Variants in PIEZO2 observed in about 807,000 individuals in gnomAD.
PIEZO2 encodes piezo-type mechanosensitive ion channel component 2.
A neutral mutation model predicts 337.3 loss-of-function variants in PIEZO2; 172 were observed. The observed-to-expected ratio is 0.51, with a 90% CI of 0.45 to 0.58. PIEZO2 has a LOEUF of 0.58. Among genes scored for constraint, PIEZO2 ranks in the 20% least tolerant of loss-of-function variants. The pLI, the probability that PIEZO2 is intolerant of heterozygous loss-of-function variation, is 0.00. For synonymous variants in PIEZO2, 1,251 were observed against 1,228.5 expected, an observed-to-expected ratio of 1.02 and a Z score of -0.38; for missense variants, 3,028 against 3,391.3, an observed-to-expected ratio of 0.89 and a Z score of 2.66.
chr18:11,082,051 C>T (rs1386841808), intron 1 of PIEZO2, among the ~76,000 whole-genome samples: 3 of 152,086 alleles, frequency 2.0e-5, no homozygotes, highest in Non-Finnish European at 2.9e-5. Context: ...TGAGCCACTG[C>T]GCCCGGCCTC....
chr18:11,062,767 C>T lies in PIEZO2; in HGVS notation c.160+3360G>A, dbSNP rs1598902431. On this transcript the variant is annotated intron_variant, in intron 2 of 55. Coordinates refer to ENST00000674853, the MANE Select transcript of PIEZO2 (RefSeq NM_001378183.1). ...TTAAAAAGTCAGGAAACAACAGGTG[C>T]TGGAGAGGATGTGGAGAAATAGGAA... Among the ~76,000 whole-genome samples the T allele has an allele frequency of 6.6e-5, 10 of 152,236 alleles. No homozygotes were observed. In the East Asian group the frequency reaches 1.9e-3, roughly 29 times the overall value.
Position 10,789,198 on chromosome 18 carries a change from T to G in PIEZO2, c.2050A>C (p.Ile684Leu). 6.5e-7 allele frequency: 1 copy of G among 1,537,300 alleles called. No homozygotes were observed. The highest frequency in any genetic ancestry group is 1.4e-5 in the African/African-American group (1 of 73,176). Residue 684 changes from isoleucine (I) to leucine (L), a missense_variant, in exon 15 of 56, where the codon ATC becomes CTC. By Grantham distance (5) the Ile-to-Leu change is conservative. Transcript: ENST00000674853. ...CCGCAGACGTAGATCCAGTACTTGA[T>G]GAACATGGCCACCACCAGATTGCCC... ...VLGNLVVAMF[I>L]KYWIYVCGGM...
rs58927900 is a variant in PIEZO2 at position 10,720,363 on chromosome 18, C to CTG, written c.5030-2106_5030-2105dup. On this transcript the variant is annotated intron_variant, in intron 36 of 55. Coordinates refer to ENST00000674853, the MANE Select transcript of PIEZO2 (RefSeq NM_001378183.1). ...CTCATATATATGTCCTATATATATT[C>CTG]TGTGTGTGTGTGTGTGTGTGTGTGT... Among the ~76,000 whole-genome samples the CTG allele has an allele frequency of 8.2e-3, 463 of 56,208 alleles. 14 individuals are homozygous for CTG. The highest frequency in any genetic ancestry group is 0.019 in the South Asian group (24 of 1,256). 36.9% of individuals were successfully genotyped at this position (56,208 alleles called of 152,430 possible).
intron 3 of PIEZO2, among the ~76,000 whole-genome samples, chr18:10,913,293 G>A (rs766449638): frequency 3.0e-4 from 45 of 152,040 alleles, no homozygotes; most frequent in Admixed American, 5.2e-4. Flanking sequence ...TTCAAGAACC[G>A]TGGCAACTGC....
rs80178060 is a variant in PIEZO2 at position 10,760,113 on chromosome 18, A to G, written c.3451-204T>C. Among the ~76,000 whole-genome samples the G allele has an allele frequency of 5.2e-3, 796 of 152,280 alleles. 9 individuals are homozygous for G. Among genetic ancestry groups the G allele is most frequent in the African/African-American group, 0.018 (759 of 41,562 alleles). On this transcript the variant is annotated intron_variant, in intron 24 of 55. Transcript: ENST00000674853. ...ACAGATTACTCCCAGGGAAAAACTG[A>G]CTAAGTAGCTGTTATCATAACCACT...
At chr18:11,020,055 A>G (rs887362391) in intron 2 of PIEZO2, among the ~76,000 whole-genome samples, 1 of 152,206 alleles carries the variant, frequency 6.6e-6, no homozygotes, top group African/African-American at 2.4e-5. Context: ...AAAAAATTGT[A>G]TATGAATTAA....
chr18:10,710,230 C>T (rs1251015997), intron 39 of PIEZO2, among the ~76,000 whole-genome samples: 1 of 152,200 alleles, frequency 6.6e-6, no homozygotes, highest in Non-Finnish European at 1.5e-5. Context: ...TCTCAGAACC[C>T]ACATAATCCC....
chr18:10,995,081 A>AAAAAAAAAAAAAAAAG, intron 2 of PIEZO2, among the ~76,000 whole-genome samples: 1 of 147,682 alleles, frequency 6.8e-6, no homozygotes. Context: ...CCGTCTCAAA[A>AAAAAAAAAAAAAAAAG]AAAAAAAAAA....
chr18:10,718,112 A>G (rs2143912302), intron 37 of PIEZO2, 88 bp downstream of exon 37: 1 of 1,189,536 alleles, frequency 8.4e-7, no homozygotes, highest in Non-Finnish European at 1.2e-6. Context: ...TCGATTCACA[A>G]TTTTTCAGGC....
chr18:10,845,858 T>A (rs1434131027), intron 7 of PIEZO2, among the ~76,000 whole-genome samples: 1 of 152,218 alleles, frequency 6.6e-6, no homozygotes, highest in Admixed American at 6.5e-5. Flanking sequence ...TAAATACATT[T>A]AAAGCCCATC....
chr18:10,951,070 A>T (rs2033272174), intron 3 of PIEZO2, among the ~76,000 whole-genome samples: 1 of 152,210 alleles, frequency 6.6e-6, no homozygotes, highest in African/African-American at 2.4e-5. Flanking sequence ...ATTCTCTGCA[A>T]GTCCAGGTGC....
rs891067751 is a variant in PIEZO2 at position 10,973,684 on chromosome 18, G to A, written c.286+5851C>T. Among the ~76,000 whole-genome samples, 19 of 152,172 alleles carry A rather than the reference G, an allele frequency of 1.2e-4. No individual in the cohort carries two copies. Among genetic ancestry groups the A allele is most frequent in the African/African-American group, 4.1e-4 (17 of 41,434 alleles). ...CGAGGAGAGAAGAAGGCTGTGTGTT[G>A]TGCCTGAATGAGTTAGGGAATGGAA... On this transcript the variant is annotated intron_variant, in intron 3 of 55. Transcript: ENST00000674853. The surrounding 1 kb of genome is among the most constrained non-coding windows in gnomAD (Gnocchi z 4.9).
chr18:10,803,773 T>C, intron 9 of PIEZO2, 102 bp downstream of exon 9: 1 of 1,381,634 alleles, frequency 7.2e-7, no homozygotes, highest in Non-Finnish European at 9.5e-7. Flanking sequence ...ACAAGCAACC[T>C]GAATATGATA....
chr18:10,916,405 G>A (rs183576208), intron 3 of PIEZO2, among the ~76,000 whole-genome samples: 1 of 152,292 alleles, frequency 6.6e-6, no homozygotes, highest in African/African-American at 2.4e-5. Flanking sequence ...GGCATGGCAG[G>A]CTGCAGGTCC....
At chr18:10,931,191 GTATT>G (rs554428411) in intron 3 of PIEZO2, among the ~76,000 whole-genome samples, 2 of 151,646 alleles carry the variant, frequency 1.3e-5, no homozygotes, top group African/African-American at 4.8e-5. Flanking sequence ...TAATTTTATT[GTATT>G]TATTTATTTA....
chr18:10,720,802 A>G (rs999012085), intron 36 of PIEZO2, among the ~76,000 whole-genome samples: 8 of 151,990 alleles, frequency 5.3e-5, no homozygotes, highest in African/African-American at 1.9e-4. Flanking sequence ...TCTGACTCCA[A>G]GAATCTTCTC....
At chr18:10,755,235 T>A (rs543052614) in intron 27 of PIEZO2, among the ~76,000 whole-genome samples, 1 of 152,142 alleles carries the variant, frequency 6.6e-6, no homozygotes, top group African/African-American at 2.4e-5. Flanking sequence ...GGAGAGAGAC[T>A]CCATGTGTGG....
At chr18:10,911,840 C>G (rs1207611491) in intron 3 of PIEZO2, among the ~76,000 whole-genome samples, 1 of 152,088 alleles carries the variant, frequency 6.6e-6, no homozygotes, top group Non-Finnish European at 1.5e-5. Context: ...TCTGGTAAAG[C>G]ATTAGGCCAC....
intron 35 of PIEZO2, among the ~76,000 whole-genome samples, chr18:10,732,342 G>C (rs2036821917): frequency 2.0e-5 from 3 of 152,160 alleles, no homozygotes; most frequent in Admixed American, 1.3e-4. Flanking sequence ...GGGAAGCTGG[G>C]TTTTTCATTA....
Sources: gnomAD v4.1 joint callset for allele counts (sites outside exome capture counted in the v4.1 genomes callset) on GRCh38, gnomAD v4.1.1 for gene constraint, Gnocchi (gnomAD v3.1) non-coding constraint, MANE v1.5 for transcripts, NCBI Gene and HGNC (gene_info 2026-07-23, HGNC 2026-07-21) for gene names.